The following FNIP1 variants were observed in gnomAD, a reference collection of about 807,000 sequenced individuals.
FNIP1 encodes folliculin interacting protein 1.
FNIP1 carries 40 observed loss-of-function variants against 124.5 expected under a neutral mutation model. That is an observed-to-expected ratio of 0.32 (90% confidence interval 0.25 to 0.42). The LOEUF is 0.42. Among genes scored for constraint, FNIP1 ranks in the 10% least tolerant of loss-of-function variants. The pLI is 1.00. For missense variants in FNIP1, 1,176 were observed against 1,403.7 expected, an observed-to-expected ratio of 0.84 and a Z score of 2.59; for synonymous variants, 472 against 470.6, an observed-to-expected ratio of 1.00 and a Z score of -0.04.
intron 2 of FNIP1, among the ~76,000 whole-genome samples, chr5:131,733,125 CTGTT>C (rs1384642679): frequency 1.3e-5 from 2 of 152,032 alleles, no homozygotes; most frequent in Non-Finnish European, 2.9e-5. Context: ...ATTTGGCTCT[CTGTT>C]TGTCTGTTAT....
chr5:131,667,577 G>C (rs74439051), intron 15 of FNIP1, among the ~76,000 whole-genome samples: 1 of 24,528 alleles, frequency 4.1e-5, no homozygotes, highest in African/African-American at 6.6e-5. Flanking sequence ...CTGTTTTTTT[G>C]TTTGTTTGTT....
At chr5:131,794,612 T>C (rs1580846708) in intron 1 of FNIP1, among the ~76,000 whole-genome samples, 1 of 152,320 alleles carries the variant, frequency 6.6e-6, no homozygotes, top group Non-Finnish European at 1.5e-5. Flanking sequence ...GGTATAGCCA[T>C]ACAATGGAAT....
At chr5:131,675,570 T>C (rs2149516431) in intron 13 of FNIP1, among the ~76,000 whole-genome samples, 1 of 152,246 alleles carries the variant, frequency 6.6e-6, no homozygotes, top group African/African-American at 2.4e-5. Flanking sequence ...ACATACAAAA[T>C]AGGTGAATCT....
In FNIP1 at chr5:131,672,557, CT is replaced by C; in HGVS notation, c.1886del (p.Glu629GlyfsTer13). The C allele has an allele frequency of 6.2e-7, 1 of 1,614,080 alleles. No individual in the cohort carries two copies. The highest frequency in any genetic ancestry group is 8.5e-7 in the Non-Finnish European group (1 of 1,180,030). ...GQNVENISQQ[E>X]REDIQNSSKE... is the part of the protein sequence containing the mutation. ...TAGAGCTGTTTTGAATATCTTCTCT[CT>C]CTTGTTGTGAAATGTTCTCTACATT... On this transcript the variant is annotated frameshift_variant, in exon 14 of 18. Transcript: ENST00000510461. LOFTEE classifies it high-confidence loss of function.
chr5:131,688,557 T>A (rs1768362818), intron 11 of FNIP1, among the ~76,000 whole-genome samples: 1 of 151,422 alleles, frequency 6.6e-6, no homozygotes, highest in Non-Finnish European at 1.5e-5. Flanking sequence ...AGAATGGGAA[T>A]TGAAAATTAT....
At chr5:131,786,310 C>G (rs114804910) in intron 1 of FNIP1, among the ~76,000 whole-genome samples, 1 of 152,108 alleles carries the variant, frequency 6.6e-6, no homozygotes, top group Non-Finnish European at 1.5e-5. Context: ...ATAGAACTTA[C>G]AATCTAGTGA....
chr5:131,685,462 T>TC (rs1768241903), intron 11 of FNIP1, among the ~76,000 whole-genome samples: 1 of 149,870 alleles, frequency 6.7e-6, no homozygotes, highest in Non-Finnish European at 1.5e-5. Context: ...TTTTTTTTTT[T>TC]TTTTGAGATG....
intron 1 of FNIP1, among the ~76,000 whole-genome samples, chr5:131,794,704 G>C (rs887760971): frequency 6.6e-6 from 1 of 152,206 alleles, no homozygotes. Flanking sequence ...AGGCCAAGGT[G>C]AGAGGATCCC....
At chr5:131,675,965 T>A (rs1167400099) in intron 13 of FNIP1, among the ~76,000 whole-genome samples, 1 of 152,014 alleles carries the variant, frequency 6.6e-6, no homozygotes, top group Non-Finnish European at 1.5e-5. Flanking sequence ...TTCAAGGGAT[T>A]CTCCTGCCTC....
intron 8 of FNIP1, among the ~76,000 whole-genome samples, chr5:131,707,566 T>C (rs545082865): frequency 1.9e-4 from 29 of 152,312 alleles, no homozygotes; most frequent in African/African-American, 7.0e-4. Context: ...AGACCATCAA[T>C]GAACTCATTC....
intron 11 of FNIP1, among the ~76,000 whole-genome samples, chr5:131,690,410 A>T (rs890500398): frequency 1.3e-5 from 2 of 152,132 alleles, no homozygotes; most frequent in African/African-American, 4.8e-5. Flanking sequence ...CAAGGGATCA[A>T]GACCATGTGG....
intron 1 of FNIP1, among the ~76,000 whole-genome samples, chr5:131,753,817 A>AT (rs930980214): frequency 1.6e-3 from 230 of 145,020 alleles, no homozygotes; most frequent in Middle Eastern, 3.5e-3. Context: ...ATTAAAACAG[A>AT]TTTTTTTTTT....
At chr5:131,763,207 T>C (rs114253288) in intron 1 of FNIP1, among the ~76,000 whole-genome samples, 14 of 152,050 alleles carry the variant, frequency 9.2e-5, no homozygotes, top group South Asian at 2.1e-4. Flanking sequence ...CTTGAGGAGA[T>C]AGATACCCCA....
chr5:131,694,562 A>T (rs1480099774), intron 11 of FNIP1, among the ~76,000 whole-genome samples: 1 of 152,180 alleles, frequency 6.6e-6, no homozygotes, highest in East Asian at 1.9e-4. Context: ...GAAAGTAAAG[A>T]GGTAAAGAGA....
chr5:131,711,016 C>G (rs568463419), intron 6 of FNIP1, among the ~76,000 whole-genome samples: 1 of 152,124 alleles, frequency 6.6e-6, no homozygotes, highest in East Asian at 1.9e-4. Context: ...TCTATCTAAT[C>G]TGATATTTGC....
intron 1 of FNIP1, among the ~76,000 whole-genome samples, chr5:131,769,576 T>A (rs770818471): frequency 1.3e-5 from 2 of 152,226 alleles, no homozygotes; most frequent in Non-Finnish European, 1.5e-5. Context: ...GACTGTCAGA[T>A]GACATACCAA....
chr5:131,764,839 G>T (rs1771364938), intron 1 of FNIP1, among the ~76,000 whole-genome samples: 1 of 151,932 alleles, frequency 6.6e-6, no homozygotes, highest in African/African-American at 2.4e-5. Flanking sequence ...CCATTTTCAG[G>T]CATGAAAATG....
At chr5:131,697,794 C>G (rs895486378) in intron 11 of FNIP1, among the ~76,000 whole-genome samples, 1 of 150,724 alleles carries the variant, frequency 6.6e-6, no homozygotes, top group Non-Finnish European at 1.5e-5. Context: ...GGTGAAACCC[C>G]GTCTCTACTA....
intron 5 of FNIP1, 91 bp from the exon 6 acceptor site, chr5:131,716,747 AAC>A (rs1769479050): frequency 1.4e-6 from 1 of 701,722 alleles, no homozygotes; most frequent in Non-Finnish European, 2.3e-6. Context: ...TAAGTGCAAA[AAC>A]AGTTTCTTCC....
Sources: gnomAD v4.1 joint callset for allele counts (sites outside exome capture counted in the v4.1 genomes callset) on GRCh38, gnomAD v4.1.1 for gene constraint, MANE v1.5 for transcripts, NCBI Gene and HGNC (gene_info 2026-07-23, HGNC 2026-07-21) for gene names.